STK3: variants seen among roughly 807,000 people sequenced by gnomAD.
STK3 encodes the protein serine/threonine-protein kinase 3.
Under a neutral mutation model 58.0 loss-of-function variants are expected in STK3, and 41 were observed. That is an observed-to-expected ratio of 0.71 (90% confidence interval 0.55 to 0.92). STK3 has a LOEUF of 0.92. Ranked by LOEUF, STK3 falls within the 40% of genes least tolerant of loss-of-function variation. The pLI, the probability that STK3 is intolerant of heterozygous loss-of-function variation, is 0.00. For synonymous variants in STK3, 170 were observed against 191.0 expected (o/e 0.89, Z 0.91); for missense variants, 479 against 602.7 (o/e 0.79, Z 2.15).
intron 10 of STK3, among the ~76,000 whole-genome samples, chr8:98,478,417 C>G (rs1463466586): frequency 6.6e-6 from 1 of 152,112 alleles, no homozygotes; most frequent in African/African-American, 2.4e-5. Flanking sequence ...GTTCGCCTCC[C>G]GAGCAGAGCA....
rs111354864 is a variant in STK3, at chr8:98,869,426, A to G, written c.110+14221T>C. ...ACAGAGTGAGACCCTGTCTCAAAAA[A>G]TAAATAAATAAAATAAAATAATAAA... On this transcript the variant is annotated intron_variant, in intron 3 of 12. Coordinates refer to the STK3 transcript ENST00000523601. 8.8e-3 allele frequency among the ~76,000 whole-genome samples: 1,335 copies of G among 152,310 alleles called. 14 individuals are homozygous for G. Among genetic ancestry groups the G allele is most frequent in the African/African-American group, 0.03 (1,260 of 41,572 alleles).
chr8:98,422,847 C>A (rs886328499), intron 3 of STK3, among the ~76,000 whole-genome samples: 5 of 152,224 alleles, frequency 3.3e-5, no homozygotes, highest in Non-Finnish European at 5.9e-5. Flanking sequence ...ACCTTGGCTC[C>A]ACCCTGGAAT....
Position 98,524,699 on chromosome 8 carries a change from A to G in STK3, c.1317+2043T>C, listed in dbSNP as rs368096019. ...TTGGAAGGCTACTACTGCCACATAC[A>G]AACTCCAGGCTTGCCTGATGAGATC... On this transcript the variant is annotated intron_variant, in intron 10 of 10. Transcript: ENST00000419617. Among the ~76,000 whole-genome samples the G allele has an allele frequency of 5.3e-5, 8 of 152,342 alleles. No individual in the cohort carries two copies. The South Asian group carries it at 1.2e-3, about 24-fold the overall frequency.
intron 3 of STK3, among the ~76,000 whole-genome samples, chr8:98,394,134 G>T (rs1483330662): frequency 2.0e-5 from 3 of 152,130 alleles, no homozygotes; most frequent in Non-Finnish European, 4.4e-5. Flanking sequence ...TCAAGTAGTG[G>T]GAGGAGCCAA....
chr8:98,569,127 A>G (rs187689848), intron 8 of STK3, among the ~76,000 whole-genome samples: 11 of 152,310 alleles, frequency 7.2e-5, no homozygotes, highest in African/African-American at 2.4e-4. Flanking sequence ...AAGGAAAAAG[A>G]GCAAGGTCTT....
chr8:98,886,198 C>T (rs911385367), intron 1 of STK3, among the ~76,000 whole-genome samples: 2 of 152,172 alleles, frequency 1.3e-5, no homozygotes, highest in Non-Finnish European at 2.9e-5. Context: ...CACACACACA[C>T]ACAACTACAT....
Position 98,548,918 on chromosome 8 carries a change from T to C in STK3, c.949-757A>G, listed in dbSNP as rs1810941940. Among the ~76,000 whole-genome samples the C allele has an allele frequency of 1.3e-5, 2 of 152,186 alleles. 1 individual carries two copies. Among genetic ancestry groups the C allele is most frequent in the South Asian group, 4.1e-4 (2 of 4,834 alleles). On this transcript the variant is annotated intron_variant, in intron 8 of 10. Transcript: ENST00000419617. The stretch of plus-strand genomic sequence containing the variant: ...CTGAGCCTAATGCATTCAAGATTCA[T>C]GCATATTGTGGTAGAAAAATTTCAT...
At chr8:98,531,523 G>T (rs1345023436) in intron 9 of STK3, among the ~76,000 whole-genome samples, 2 of 152,202 alleles carry the variant, frequency 1.3e-5, no homozygotes, top group Non-Finnish European at 2.9e-5. Context: ...AGGCAGAGCA[G>T]AATGAGCATA....
chr8:98,678,144 T>G (rs1281280260), intron 6 of STK3, among the ~76,000 whole-genome samples: 1 of 152,208 alleles, frequency 6.6e-6, no homozygotes, highest in African/African-American at 2.4e-5. Context: ...TTAGGCTTGA[T>G]GTAATCACTC....
intron 4 of STK3, among the ~76,000 whole-genome samples, chr8:98,744,032 T>C (rs950934090): frequency 2.0e-5 from 3 of 151,902 alleles, no homozygotes; most frequent in Non-Finnish European, 4.4e-5. Flanking sequence ...CACAATGAGA[T>C]ACCATCTCAC....
At chr8:98,397,204 C>CA (rs1817904597), downstream of STK3, among the ~76,000 whole-genome samples, 1 of 152,162 alleles carries the variant, frequency 6.6e-6, no homozygotes, top group African/African-American at 2.4e-5. Context: ...CAGATAAATC[C>CA]AAAACCTGCT....
chr8:98,562,272 C>T (rs549168321), intron 8 of STK3, among the ~76,000 whole-genome samples: 1 of 152,020 alleles, frequency 6.6e-6, no homozygotes, highest in Admixed American at 6.6e-5. Flanking sequence ...TTGAAGATGG[C>T]CTTCAATAAG....
At position 98,706,500 on chromosome 8, in the gene STK3, T is replaced by C. The variant is rs1825971054; in HGVS notation, c.651A>G (p.Gly217=). 6.2e-7 allele frequency: 1 copy of C among 1,613,500 alleles called. No homozygotes were observed. The part of the protein sequence containing the change: ...LGITSIEMAE[G]KPPYADIHPM... ...GATGTATATCAGCATAAGGAGGTTTTCCTTCAGCCATTTCTATAGAAGTAA... is the reference window on the plus strand; with the variant it reads ...GATGTATATCAGCATAAGGAGGTTTCCCTTCAGCCATTTCTATAGAAGTAA... Residue 217 remains glycine, a synonymous_variant, in exon 6 of 11, where the codon GGA becomes GGG. Coordinates refer to ENST00000419617, the MANE Select transcript of STK3 (RefSeq NM_006281.4).
At chr8:98,390,698 T>C (rs1202060536), upstream of STK3, among the ~76,000 whole-genome samples, 5 of 152,144 alleles carry the variant, frequency 3.3e-5, no homozygotes, top group East Asian at 5.8e-4. Flanking sequence ...TTTTTGGTGC[T>C]GTGTGATAGG....
intron 9 of STK3, among the ~76,000 whole-genome samples, chr8:98,528,964 TTCA>T (rs1264411842): frequency 6.6e-6 from 1 of 151,972 alleles, no homozygotes; most frequent in Non-Finnish European, 1.5e-5. Context: ...ATGTTTCAGA[TTCA>T]TCATCAACTT....
chr8:98,831,846 T>C (rs1174310703), intron 3 of STK3, among the ~76,000 whole-genome samples: 1 of 152,246 alleles, frequency 6.6e-6, no homozygotes, highest in African/African-American at 2.4e-5. Context: ...CTTAAACTAT[T>C]ATTTAACTTG....
At chr8:98,849,526 C>G (rs529358621) in intron 3 of STK3, among the ~76,000 whole-genome samples, 2 of 152,306 alleles carry the variant, frequency 1.3e-5, no homozygotes, top group African/African-American at 4.8e-5. Context: ...GTAAACCAAA[C>G]AGTTAGGTCT....
At chr8:98,535,349 T>C (rs1015757510) in intron 9 of STK3, among the ~76,000 whole-genome samples, 1 of 152,174 alleles carries the variant, frequency 6.6e-6, no homozygotes, top group Non-Finnish European at 1.5e-5. Flanking sequence ...AAAGCATGCA[T>C]TGTAGCACTA....
chr8:98,448,658 T>C (rs879826195), intron 1 of STK3, among the ~76,000 whole-genome samples: 16 of 152,160 alleles, frequency 1.1e-4, no homozygotes, highest in Admixed American at 3.9e-4. Flanking sequence ...AAAAGACAAC[T>C]AGTTGCTTGG....
Sources: gnomAD v4.1 joint callset for allele counts (sites outside exome capture counted in the v4.1 genomes callset) on GRCh38, gnomAD v4.1.1 for gene constraint, MANE v1.5 for transcripts, NCBI Gene and HGNC (gene_info 2026-07-23, HGNC 2026-07-21) for gene names.